SGCE: variants seen among roughly 807,000 people sequenced by gnomAD.
SGCE encodes the protein sarcoglycan epsilon.
Under a neutral mutation model 57.8 loss-of-function variants are expected in SGCE, and 26 were observed. The ratio of observed to expected loss-of-function variants is 0.45; its 90% CI spans 0.33 to 0.62. The LOEUF is 0.62. SGCE is among the 20% of genes least tolerant of loss of function. The pLI is 0.02. For missense variants in SGCE, 468 were observed against 548.6 expected, an observed-to-expected ratio of 0.85 and a Z score of 1.47; for synonymous variants, 183 against 189.5, an observed-to-expected ratio of 0.97 and a Z score of 0.28.
intron 9 of SGCE, among the ~76,000 whole-genome samples, chr7:94,592,146 A>G (rs1797775864): frequency 6.6e-6 from 1 of 152,212 alleles, no homozygotes; most frequent in Non-Finnish European, 1.5e-5. Flanking sequence ...ACTTGTAACT[A>G]AATGTGAACC....
At chr7:94,595,026 T>G (rs1318030895) in intron 9 of SGCE, among the ~76,000 whole-genome samples, 1 of 152,280 alleles carries the variant, frequency 6.6e-6, no homozygotes, top group East Asian at 1.9e-4. Context: ...TGACCGACAC[T>G]ATCTATCCCT....
At chr7:94,630,075 T>C (rs373098629) in intron 1 of SGCE, among the ~76,000 whole-genome samples, 1 of 151,960 alleles carries the variant, frequency 6.6e-6, no homozygotes, top group East Asian at 1.9e-4. Flanking sequence ...AAACACTACA[T>C]AGACAAAATT....
chr7:94,600,397 T>G (rs1357824326), intron 7 of SGCE: 1 of 445,066 alleles, frequency 2.2e-6, no homozygotes, highest in Non-Finnish European at 4.1e-6. Context: ...TTGGGACTGT[T>G]TTGCCAGTGT....
chr7:94,654,092 G>A (rs978833897), intron 1 of SGCE, among the ~76,000 whole-genome samples: 1 of 152,034 alleles, frequency 6.6e-6, no homozygotes. Flanking sequence ...ATGTTTACTG[G>A]TGTTATTGCA....
In SGCE at chr7:94,585,392, A is replaced by C. The variant is rs796401829; in HGVS notation, c.*107T>G. On this transcript the variant is annotated 3_prime_UTR_variant, in exon 11 of 11. Coordinates refer to ENST00000648936, the MANE Select transcript of SGCE (RefSeq NM_003919.3). ...TATACACTTAATACTGCCAACATGCATAACATATGCCAGAAAAGCTCATGC... is the reference window on the plus strand; with the variant it reads ...TATACACTTAATACTGCCAACATGCCTAACATATGCCAGAAAAGCTCATGC... The C allele has an allele frequency of 1.0e-6, 1 of 984,442 alleles. No individual in the cohort carries two copies. The highest frequency in any genetic ancestry group is 1.6e-5 in the African/African-American group (1 of 62,996). 61.0% of individuals were successfully genotyped at this position (984,442 alleles called of 1,614,324 possible).
chr7:94,610,850 C>G (rs927769312), intron 5 of SGCE, among the ~76,000 whole-genome samples: 1 of 152,034 alleles, frequency 6.6e-6, no homozygotes, highest in African/African-American at 2.4e-5. Flanking sequence ...TATGAATAGA[C>G]CTATTTCCAA....
intron 6 of SGCE, among the ~76,000 whole-genome samples, chr7:94,602,770 A>G (rs1216233208): frequency 6.6e-6 from 1 of 152,182 alleles, no homozygotes; most frequent in Non-Finnish European, 1.5e-5. Flanking sequence ...TGATTTGGAA[A>G]GAAATATTAT....
chr7:94,585,391 C>T lies in SGCE; in HGVS notation c.*108G>A. The T allele has an allele frequency of 2.1e-6, 2 of 950,350 alleles. No individual in the cohort carries two copies. The highest frequency in any genetic ancestry group is 3.5e-6 in the Non-Finnish European group (2 of 578,008). The allele number at this position is 950,350 out of a possible 1,614,324, so 58.9% of individuals were successfully genotyped here. On this transcript the variant is annotated 3_prime_UTR_variant, in exon 11 of 11. Coordinates refer to ENST00000648936, the MANE Select transcript of SGCE (RefSeq NM_003919.3). ...GTATACACTTAATACTGCCAACATG[C>T]ATAACATATGCCAGAAAAGCTCATG...
intron 4 of SGCE, chr7:94,620,175 T>G (rs1160957538): frequency 1.3e-5 from 2 of 152,188 alleles, no homozygotes; most frequent in African/African-American, 4.8e-5. Flanking sequence ...CCTAAAATCT[T>G]GGTTAACTTA....
intron 1 of SGCE, among the ~76,000 whole-genome samples, chr7:94,646,736 A>G (rs1807138281): frequency 6.6e-6 from 1 of 152,218 alleles, no homozygotes; most frequent in African/African-American, 2.4e-5. Context: ...ATTTCTGTTC[A>G]CAATAAAAAA....
At chr7:94,601,704 T>C (rs1182860403) in intron 6 of SGCE, among the ~76,000 whole-genome samples, 1 of 152,082 alleles carries the variant, frequency 6.6e-6, no homozygotes, top group Admixed American at 6.6e-5. Context: ...AATAATACAG[T>C]GTTAGTAAAA....
chr7:94,594,806 A>G (rs937917886), intron 9 of SGCE, among the ~76,000 whole-genome samples: 1 of 152,174 alleles, frequency 6.6e-6, no homozygotes, highest in Non-Finnish European at 1.5e-5. Flanking sequence ...GATCAAATTA[A>G]GTTGGCCTTA....
At chr7:94,597,587 AAGAG>A (rs1166001046) in intron 9 of SGCE, 2 of 152,176 alleles carry the variant, frequency 1.3e-5, no homozygotes, top group African/African-American at 4.8e-5. Flanking sequence ...GAGAGTGAGA[AAGAG>A]AGATTTTTCT....
intron 1 of SGCE, among the ~76,000 whole-genome samples, chr7:94,653,348 G>A (rs1302669772): frequency 6.6e-6 from 1 of 151,988 alleles, no homozygotes; most frequent in African/African-American, 2.4e-5. Context: ...CATAAAAATA[G>A]ATAAAATGTC....
chr7:94,591,867 G>A (rs1797719731), intron 9 of SGCE, among the ~76,000 whole-genome samples: 1 of 152,192 alleles, frequency 6.6e-6, no homozygotes, highest in Non-Finnish European at 1.5e-5. Flanking sequence ...GAAAGCAACT[G>A]TGTGTCTTAT....
At chr7:94,594,731 C>A (rs1316850693) in intron 9 of SGCE, among the ~76,000 whole-genome samples, 1 of 152,068 alleles carries the variant, frequency 6.6e-6, no homozygotes, top group African/African-American at 2.4e-5. Context: ...ATCTTTGTAA[C>A]TTTCCTGTAC....
At chr7:94,611,643 A>G (rs1056473398) in intron 5 of SGCE, among the ~76,000 whole-genome samples, 4 of 152,212 alleles carry the variant, frequency 2.6e-5, no homozygotes, top group African/African-American at 9.6e-5. Context: ...GGTGCATTGT[A>G]TGATATGTGA....
At chr7:94,616,100 A>G (rs913222086) in intron 5 of SGCE, among the ~76,000 whole-genome samples, 1 of 152,154 alleles carries the variant, frequency 6.6e-6, no homozygotes, top group Non-Finnish European at 1.5e-5. Flanking sequence ...TGAGTTCTGC[A>G]GAGATTAAAA....
chr7:94,627,890 A>G, intron 3 of SGCE: 1 of 294,492 alleles, frequency 3.4e-6, no homozygotes, highest in Non-Finnish European at 6.5e-6. Context: ...CAAAATACAG[A>G]GCAAATAAGT....
Sources: allele counts gnomAD v4.1 joint callset (sites outside exome capture counted in the v4.1 genomes callset), GRCh38; gene constraint gnomAD v4.1.1; transcripts MANE v1.5; gene names NCBI Gene and HGNC (gene_info 2026-07-23, HGNC 2026-07-21).